The following ZBTB20 variants were observed in gnomAD, a reference collection of about 807,000 sequenced individuals.
ZBTB20 encodes zinc finger and BTB domain-containing protein 20.
In ZBTB20, 9 loss-of-function variants were observed where a neutral mutation model predicts 56.9. The observed-to-expected ratio is 0.16, with a 90% CI of 0.10 to 0.28. ZBTB20 has a LOEUF of 0.28. Among genes scored for constraint, ZBTB20 ranks in the 10% least tolerant of loss-of-function variants. The pLI, the probability that ZBTB20 is intolerant of heterozygous loss-of-function variation, is 1.00. For missense variants in ZBTB20, 655 were observed against 1,003.0 expected, an observed-to-expected ratio of 0.65 and a Z score of 4.69; for synonymous variants, 417 against 420.7, an observed-to-expected ratio of 0.99 and a Z score of 0.11.
intron 4 of ZBTB20, among the ~76,000 whole-genome samples, chr3:114,804,985 C>T (rs2071996424): frequency 6.6e-6 from 1 of 151,790 alleles, no homozygotes; most frequent in Admixed American, 6.6e-5. Flanking sequence ...ATAAGATGTA[C>T]ACATTATATT....
At chr3:114,865,853 T>C (rs146696176) in intron 4 of ZBTB20, among the ~76,000 whole-genome samples, 2 of 152,310 alleles carry the variant, frequency 1.3e-5, no homozygotes, top group Non-Finnish European at 2.9e-5. Flanking sequence ...CCGGGAAAGA[T>C]ACTATTTCAT....
At position 114,333,941 on chromosome 3, in the gene ZBTB20, C is replaced by T. The variant is rs961026123; in HGVS notation, c.*5064G>A. ...GAGCTTCCATTACCCTGGACTTCAA[C>T]TCATTACCAAATTAAAGAATTCTTT... is the stretch of plus-strand genomic sequence containing the variant. On this transcript the variant is annotated 3_prime_UTR_variant, in exon 12 of 12. Transcript: ENST00000675478. 6.6e-6 allele frequency: 1 copy of T among 152,186 alleles called. No homozygotes were observed. Among genetic ancestry groups the T allele is most frequent in the African/African-American group, 2.4e-5 (1 of 41,432 alleles). The allele number at this position is 152,186 out of a possible 1,614,324, so 9.4% of individuals were successfully genotyped here.
At chr3:114,795,499 C>T (rs1180139354) in intron 5 of ZBTB20, among the ~76,000 whole-genome samples, 1 of 152,030 alleles carries the variant, frequency 6.6e-6, no homozygotes, top group East Asian at 1.9e-4. Context: ...CATTTGAATA[C>T]AGGATTTTGT....
chr3:114,419,234 A>G (rs566873048), intron 7 of ZBTB20: 1 of 152,264 alleles, frequency 6.6e-6, no homozygotes, highest in African/African-American at 2.4e-5. Context: ...GAAACATAAA[A>G]TTAATACAGA....
chr3:114,554,701 A>G (rs2050992387), intron 6 of ZBTB20, among the ~76,000 whole-genome samples: 2 of 152,112 alleles, frequency 1.3e-5, no homozygotes, highest in Admixed American at 1.3e-4. Flanking sequence ...GATGACCCAC[A>G]TGTGTAATCT....
intron 6 of ZBTB20, among the ~76,000 whole-genome samples, chr3:114,681,987 G>GT (rs1398732437): frequency 6.6e-6 from 1 of 151,970 alleles, no homozygotes; most frequent in Non-Finnish European, 1.5e-5. Context: ...GTTAGTTTCT[G>GT]TTTTTTCTTT....
chr3:114,776,709 T>A (rs1327904809), intron 5 of ZBTB20, among the ~76,000 whole-genome samples: 1 of 152,132 alleles, frequency 6.6e-6, no homozygotes, highest in Non-Finnish European at 1.5e-5. Flanking sequence ...AGAGCATTTG[T>A]GAAATCACTG....
At chr3:114,604,598 G>T (rs1366820883) in intron 6 of ZBTB20, among the ~76,000 whole-genome samples, 1 of 151,978 alleles carries the variant, frequency 6.6e-6, no homozygotes, top group Non-Finnish European at 1.5e-5. Flanking sequence ...GCATAGCAAT[G>T]ATAAAAATGG....
At chr3:114,776,645 T>C (rs1203204650) in intron 5 of ZBTB20, among the ~76,000 whole-genome samples, 1 of 152,228 alleles carries the variant, frequency 6.6e-6, no homozygotes, top group Non-Finnish European at 1.5e-5. Context: ...TAGTTTGTTA[T>C]AGCAGCCACA....
At chr3:114,597,591 C>G (rs916576503) in intron 6 of ZBTB20, among the ~76,000 whole-genome samples, 1 of 152,068 alleles carries the variant, frequency 6.6e-6, no homozygotes, top group Non-Finnish European at 1.5e-5. Context: ...AGCGATCATG[C>G]CAAGGCACAC....
chr3:114,319,931 G>A lies in ZBTB20; in HGVS notation c.*19074C>T, dbSNP rs2078834089. ...AAGGGAGCTCAAGCATAAGTTAAAA[G>A]GTGATGTGGAAATCCAGTGGTATGA... On this transcript the variant is annotated 3_prime_UTR_variant, in exon 12 of 12. Coordinates refer to ENST00000675478, the MANE Select transcript of ZBTB20 (RefSeq NM_001348800.3). 6 of 151,916 alleles carry A rather than the reference G, an allele frequency of 3.9e-5. No homozygotes were observed. Among genetic ancestry groups the A allele is most frequent in the Admixed American group, 3.9e-4 (6 of 15,230 alleles). The allele number at this position is 151,916 out of a possible 1,614,324, so 9.4% of individuals were successfully genotyped here.
intron 10 of ZBTB20, among the ~76,000 whole-genome samples, chr3:114,371,975 T>C (rs1420716035): frequency 4.6e-5 from 7 of 151,802 alleles, no homozygotes; most frequent in African/African-American, 4.8e-5. Flanking sequence ...TATGTGATTA[T>C]GGTACCTAGT....
At chr3:114,495,500 T>C (rs2043194306) in intron 7 of ZBTB20, among the ~76,000 whole-genome samples, 1 of 152,182 alleles carries the variant, frequency 6.6e-6, no homozygotes, top group South Asian at 2.1e-4. Flanking sequence ...CTTACATATA[T>C]ATGTAAATAG....
intron 3 of ZBTB20, among the ~76,000 whole-genome samples, chr3:114,944,843 G>C (rs1576390329): frequency 6.9e-6 from 1 of 145,438 alleles, no homozygotes; most frequent in East Asian, 1.9e-4. Context: ...ATGAAGAAAG[G>C]GGAGATGTTA....
At chr3:115,045,701 ATAAAT>A (rs1461795895) in intron 2 of ZBTB20, among the ~76,000 whole-genome samples, 5 of 152,180 alleles carry the variant, frequency 3.3e-5, no homozygotes, top group African/African-American at 1.2e-4. Context: ...GAGAATATAA[ATAAAT>A]TATTCAGCCC....
chr3:114,475,186 C>A (rs1463959595), intron 7 of ZBTB20, among the ~76,000 whole-genome samples: 2 of 152,140 alleles, frequency 1.3e-5, no homozygotes, highest in African/African-American at 2.4e-5. Context: ...CCATGCTTTT[C>A]TCATGATAGA....
At chr3:114,349,253 G>C (rs2080446255) in intron 11 of ZBTB20, among the ~76,000 whole-genome samples, 1 of 151,562 alleles carries the variant, frequency 6.6e-6, no homozygotes, top group South Asian at 2.1e-4. Context: ...ACTGTTATAG[G>C]TATTCTTAGG....
At chr3:114,628,067 C>T (rs986871993) in intron 6 of ZBTB20, among the ~76,000 whole-genome samples, 13 of 152,186 alleles carry the variant, frequency 8.5e-5, no homozygotes, top group Non-Finnish European at 1.2e-4. Flanking sequence ...TGCATAAACT[C>T]CATAGTCTCT....
chr3:115,109,411 CA>C (rs1560579215), intron 1 of ZBTB20, among the ~76,000 whole-genome samples: 3 of 152,088 alleles, frequency 2.0e-5, no homozygotes, highest in Non-Finnish European at 4.4e-5. Context: ...CATATCTTTC[CA>C]AAATACAAAA....
Sources: allele counts gnomAD v4.1 joint callset (sites outside exome capture counted in the v4.1 genomes callset), GRCh38; gene constraint gnomAD v4.1.1; transcripts MANE v1.5; gene names NCBI Gene and HGNC (gene_info 2026-07-23, HGNC 2026-07-21).